Variants in NPSR1 observed in about 807,000 individuals in gnomAD.
NPSR1 encodes neuropeptide S receptor 1, also known as neuropeptide S receptor.
Under a neutral mutation model 46.9 loss-of-function variants are expected in NPSR1, and 48 were observed. The observed-to-expected ratio is 1.02, with a 90% confidence interval of 0.81 to 1.30. NPSR1 has a LOEUF of 1.30. NPSR1 is among the 50% of genes most tolerant of loss of function. The pLI, the probability that NPSR1 is intolerant of heterozygous loss-of-function variation, is 0.00. For synonymous variants in NPSR1, 176 were observed against 168.1 expected (o/e 1.05, Z -0.36); for missense variants, 450 against 449.5 (o/e 1.00, Z -0.01).
At chr7:34,689,574 C>G (rs1255152575) in intron 2 of NPSR1, among the ~76,000 whole-genome samples, 1 of 121,680 alleles carries the variant, frequency 8.2e-6, no homozygotes, top group Non-Finnish European at 1.6e-5. Flanking sequence ...CACTGCACTC[C>G]AGCCTGGATG....
At chr7:34,761,435 C>T (rs1786167926) in intron 2 of NPSR1, among the ~76,000 whole-genome samples, 1 of 152,174 alleles carries the variant, frequency 6.6e-6, no homozygotes, top group African/African-American at 2.4e-5. Flanking sequence ...AAACCATATA[C>T]CTCACAGCTG....
intron 2 of NPSR1, among the ~76,000 whole-genome samples, chr7:34,691,048 G>T (rs1793224714): frequency 6.6e-6 from 1 of 152,134 alleles, no homozygotes; most frequent in Non-Finnish European, 1.5e-5. Context: ...AACCCTACAT[G>T]CCAGAAGAGA....
intron 1 of NPSR1, among the ~76,000 whole-genome samples, chr7:34,680,986 A>T (rs1792602359): frequency 1.3e-5 from 2 of 149,152 alleles, no homozygotes; most frequent in South Asian, 2.1e-4. Flanking sequence ...ATGGGCTTTT[A>T]CTCTATGATT....
intron 2 of NPSR1, among the ~76,000 whole-genome samples, chr7:34,713,068 G>A (rs974817681): frequency 3.3e-5 from 5 of 152,202 alleles, no homozygotes; most frequent in African/African-American, 4.8e-5. Context: ...ACAAGCAGGT[G>A]TAATCTTAAG....
chr7:34,821,801 C>T, intron 4 of NPSR1, among the ~76,000 whole-genome samples: 1 of 152,150 alleles, frequency 6.6e-6, no homozygotes, highest in East Asian at 1.9e-4. Flanking sequence ...TGTAAAACAA[C>T]TTATTCCCTC....
intron 1 of NPSR1, among the ~76,000 whole-genome samples, chr7:34,667,813 G>A (rs896267929): frequency 3.3e-5 from 5 of 151,718 alleles, no homozygotes; most frequent in East Asian, 3.9e-4. Flanking sequence ...GACTTTGCAC[G>A]CTCAGTTTTT....
intron 3 of NPSR1, among the ~76,000 whole-genome samples, chr7:34,802,647 T>C (rs1788477847): frequency 1.3e-5 from 2 of 150,400 alleles, no homozygotes; most frequent in South Asian, 4.1e-4. Context: ...ATTCAGGACA[T>C]AGGCATGGGC....
intron 8 of NPSR1, among the ~76,000 whole-genome samples, chr7:34,867,304 GT>G (rs1791335215): frequency 6.6e-6 from 1 of 151,890 alleles, no homozygotes; most frequent in Non-Finnish European, 1.5e-5. Context: ...AAAGTGGCAG[GT>G]GGAAAGCGTG....
rs1458208480 is a variant in NPSR1 at position 34,658,379 on chromosome 7, A to G, written c.-34A>G. 6.2e-7 allele frequency: 1 copy of G among 1,611,382 alleles called. No homozygotes were observed. Among genetic ancestry groups the G allele is most frequent in the Non-Finnish European group, 8.5e-7 (1 of 1,179,152 alleles). On this transcript the variant is annotated 5_prime_UTR_variant, in exon 1 of 9. Coordinates refer to ENST00000360581, the MANE Select transcript of NPSR1 (RefSeq NM_207172.2). ...CTGGACTCCCTCACTCAGCTGCAGG[A>G]GCAAGGACAGTGAGGCTCAACCCCG...
At chr7:34,773,450 C>G (rs1262269527) in intron 2 of NPSR1, among the ~76,000 whole-genome samples, 1 of 152,074 alleles carries the variant, frequency 6.6e-6, no homozygotes, top group Non-Finnish European at 1.5e-5. Flanking sequence ...ATCTAAAAGC[C>G]CCCAGATAAC....
At chr7:34,659,051 T>A (rs1319179294) in intron 1 of NPSR1, among the ~76,000 whole-genome samples, 2 of 152,198 alleles carry the variant, frequency 1.3e-5, no homozygotes, top group Non-Finnish European at 2.9e-5. Context: ...TCATTAAACA[T>A]CAGTGAGGAA....
At chr7:34,673,021 G>C (rs1792134750) in intron 1 of NPSR1, among the ~76,000 whole-genome samples, 1 of 152,094 alleles carries the variant, frequency 6.6e-6, no homozygotes, top group South Asian at 2.1e-4. Context: ...CTCACTCTCT[G>C]CCTTCACTTA....
intron 1 of NPSR1, among the ~76,000 whole-genome samples, chr7:34,669,522 TCA>T (rs1346130349): frequency 6.7e-6 from 1 of 150,050 alleles, no homozygotes; most frequent in Non-Finnish European, 1.5e-5. Context: ...TGAGCCAAGA[TCA>T]CACCATTACA....
At chr7:34,784,857 C>T (rs945356026) in intron 3 of NPSR1, among the ~76,000 whole-genome samples, 7 of 152,040 alleles carry the variant, frequency 4.6e-5, no homozygotes, top group Non-Finnish European at 1.0e-4. Flanking sequence ...GTTAGAATGG[C>T]AATCATTAAA....
intron 2 of NPSR1, among the ~76,000 whole-genome samples, chr7:34,777,506 T>C (rs185793449): frequency 6.6e-6 from 1 of 151,882 alleles, no homozygotes; most frequent in East Asian, 1.9e-4. Context: ...TTTCTACTTC[T>C]TCAGTGCCTC....
At chr7:34,872,964 C>A (rs1352736992) in intron 8 of NPSR1, among the ~76,000 whole-genome samples, 2 of 150,320 alleles carry the variant, frequency 1.3e-5, no homozygotes, top group Non-Finnish European at 3.0e-5. Context: ...CATATAAACA[C>A]TGGCTGTTTG....
intron 2 of NPSR1, chr7:34,750,329 A>T: frequency 1.4e-6 from 1 of 709,770 alleles, no homozygotes; most frequent in Non-Finnish European, 2.6e-6. Flanking sequence ...CATCTAGGCT[A>T]AAAAATCTTC....
At chr7:34,781,974 A>T (rs1787250667) in intron 3 of NPSR1, among the ~76,000 whole-genome samples, 1 of 152,160 alleles carries the variant, frequency 6.6e-6, no homozygotes, top group African/African-American at 2.4e-5. Context: ...CTGTGCTCTC[A>T]TTCTTGTCTC....
chr7:34,750,676 G>C (rs1158360888), intron 2 of NPSR1: 24 of 703,390 alleles, frequency 3.4e-5, no homozygotes, highest in Non-Finnish European at 5.9e-5. Context: ...AAAAAGAACT[G>C]AAGATGGACT....
Sources: gnomAD v4.1 joint callset for allele counts (sites outside exome capture counted in the v4.1 genomes callset) on GRCh38, gnomAD v4.1.1 for gene constraint, MANE v1.5 for transcripts, NCBI Gene and HGNC (gene_info 2026-07-23, HGNC 2026-07-21) for gene names.